GALNT16: variants seen among roughly 807,000 people sequenced by gnomAD.
The protein encoded by GALNT16 is UDP-GalNAc:polypeptide N-acetylgalactosaminyltransferase-like protein 1.
GALNT16 carries 40 observed loss-of-function variants against 76.1 expected under a neutral mutation model. The ratio of observed to expected loss-of-function variants is 0.53; its 90% confidence interval spans 0.41 to 0.68. GALNT16 has a LOEUF of 0.68. Ranked by LOEUF, GALNT16 falls within the 30% of genes least tolerant of loss-of-function variation. The pLI, the probability that GALNT16 is intolerant of heterozygous loss-of-function variation, is 0.00. For missense variants in GALNT16, 621 were observed against 731.9 expected, an observed-to-expected ratio of 0.85 and a Z score of 1.75; for synonymous variants, 276 against 285.2, an observed-to-expected ratio of 0.97 and a Z score of 0.32.
At chr14:69,301,274 G>C (rs1048738758) in intron 1 of GALNT16, among the ~76,000 whole-genome samples, 1 of 152,198 alleles carries the variant, frequency 6.6e-6, no homozygotes, top group African/African-American at 2.4e-5. Flanking sequence ...GTCTCAGCAG[G>C]TGTGCGATCA....
chr14:69,373,772 C>T, the GALNT16 span, among the ~76,000 whole-genome samples: 6 of 150,848 alleles, frequency 4.0e-5, no homozygotes, highest in African/African-American at 1.5e-4. Context: ...CTCTCTCTTT[C>T]TCTCTTTCCT....
intron 2 of GALNT16, among the ~76,000 whole-genome samples, chr14:69,322,928 GTGT>G (rs2045213120): frequency 1.8e-4 from 4 of 21,628 alleles, no homozygotes; most frequent in African/African-American, 8.1e-4. Flanking sequence ...CTCACGGGGT[GTGT>G]GTGTGTGTGT....
chr14:69,285,070 T>G (rs1470352035), intron 1 of GALNT16, among the ~76,000 whole-genome samples: 1 of 144,380 alleles, frequency 6.9e-6, no homozygotes, highest in Non-Finnish European at 1.5e-5. Flanking sequence ...AGACGGAGTG[T>G]CGCTCTTTCG....
At chr14:69,355,922 C>T (rs1247868257), downstream of GALNT16, 1 of 152,242 alleles carries the variant, frequency 6.6e-6, no homozygotes, top group African/African-American at 2.4e-5. Flanking sequence ...ACCCCAAGGC[C>T]TGCGGGGGAT....
At chr14:69,344,053 G>A (rs2045529650) in intron 12 of GALNT16, among the ~76,000 whole-genome samples, 1 of 152,182 alleles carries the variant, frequency 6.6e-6, no homozygotes, top group African/African-American at 2.4e-5. Context: ...GATTAGAAAG[G>A]GGACCCATAG....
the GALNT16 span, among the ~76,000 whole-genome samples, chr14:69,366,806 T>C: frequency 3.9e-5 from 6 of 152,196 alleles, no homozygotes; most frequent in African/African-American, 1.4e-4. Context: ...ACCTATGATT[T>C]AGAAGGCACT....
intron 1 of GALNT16, among the ~76,000 whole-genome samples, chr14:69,303,677 T>C (rs2044886681): frequency 6.6e-6 from 1 of 152,130 alleles, no homozygotes; most frequent in Non-Finnish European, 1.5e-5. Context: ...AATCACAGTT[T>C]TTAGTTTTCA....
At chr14:69,357,819 G>T (rs1384902917), downstream of GALNT16, 1 of 152,310 alleles carries the variant, frequency 6.6e-6, no homozygotes, top group Admixed American at 6.5e-5. Flanking sequence ...CCCAGACGGG[G>T]AGGCTTAGAA....
chr14:69,346,164 G>T (rs2045561690), intron 12 of GALNT16, among the ~76,000 whole-genome samples: 1 of 152,098 alleles, frequency 6.6e-6, no homozygotes, highest in Non-Finnish European at 1.5e-5. Flanking sequence ...AAAATGCTGG[G>T]ATTACAGGTG....
chr14:69,373,068 C>T, the GALNT16 span, among the ~76,000 whole-genome samples: 1 of 152,182 alleles, frequency 6.6e-6, no homozygotes, highest in Non-Finnish European at 1.5e-5. Flanking sequence ...TGGCCAGGGG[C>T]ATTGCAGGGC....
At chr14:69,260,844 G>A (rs2044258923) in intron 1 of GALNT16, among the ~76,000 whole-genome samples, 1 of 152,054 alleles carries the variant, frequency 6.6e-6, no homozygotes, top group African/African-American at 2.4e-5. Context: ...GCGGCGAGCG[G>A]GCGGTGGGAA....
intron 2 of GALNT16, 97 bp downstream of exon 2, chr14:69,320,965 G>C: frequency 8.4e-6 from 10 of 1,184,186 alleles, no homozygotes; most frequent in Non-Finnish European, 1.2e-5. Context: ...AAATGAGGAT[G>C]ATTTCCTCAG....
intron 9 of GALNT16, among the ~76,000 whole-genome samples, chr14:69,338,346 A>G (rs749726): frequency 0.039 from 5,904 of 152,068 alleles, 139 homozygotes; most frequent in South Asian, 0.055. Context: ...AAATGATGCC[A>G]CTGTTTGGTT....
intron 6 of GALNT16, 145 bp from the exon 7 acceptor site, chr14:69,331,319 A>T: frequency 1.6e-6 from 1 of 639,962 alleles, no homozygotes; most frequent in Non-Finnish European, 2.8e-6. Flanking sequence ...GGAGCCTGCC[A>T]GGGTTGAGGG....
intron 13 of GALNT16, among the ~76,000 whole-genome samples, chr14:69,347,396 C>T (rs943919695): frequency 2.0e-5 from 3 of 152,162 alleles, no homozygotes; most frequent in Non-Finnish European, 2.9e-5. Flanking sequence ...TTGTTCTTGC[C>T]GAGGGAGAAG....
intron 13 of GALNT16, among the ~76,000 whole-genome samples, chr14:69,347,648 C>A (rs991032002): frequency 1.3e-5 from 2 of 152,212 alleles, no homozygotes; most frequent in Non-Finnish European, 2.9e-5. Context: ...GCCCTCTGGC[C>A]AGCTCCAGCT....
chr14:69,280,820 A>G (rs891870978), intron 1 of GALNT16, among the ~76,000 whole-genome samples: 9 of 151,870 alleles, frequency 5.9e-5, no homozygotes, highest in Non-Finnish European at 8.8e-5. Flanking sequence ...CCCAAAGGCT[A>G]TTTACCTCCA....
At chr14:69,283,685 A>G (rs2044572998) in intron 1 of GALNT16, among the ~76,000 whole-genome samples, 1 of 152,164 alleles carries the variant, frequency 6.6e-6, no homozygotes, top group African/African-American at 2.4e-5. Context: ...TAACCTCTCT[A>G]TGCCTCATAC....
chr14:69,320,583 C>T (rs1030734758), intron 1 of GALNT16, 128 bp from the exon 2 acceptor site: 39 of 698,926 alleles, frequency 5.6e-5, no homozygotes, highest in Admixed American at 1.2e-4. Flanking sequence ...ATGGTCTCCT[C>T]CTCATAGAGT....
Sources: gnomAD v4.1 joint callset for allele counts (sites outside exome capture counted in the v4.1 genomes callset) on GRCh38, gnomAD v4.1.1 for gene constraint, MANE v1.5 for transcripts, NCBI Gene and HGNC (gene_info 2026-07-23, HGNC 2026-07-21) for gene names.